Variants in CLYBL observed in about 807,000 individuals in gnomAD.
CLYBL encodes the protein citramalyl-CoA lyase, also known as citramalyl-CoA lyase, mitochondrial.
A neutral mutation model predicts 38.9 loss-of-function variants in CLYBL; 31 were observed. The observed-to-expected ratio is 0.80, with a 90% CI of 0.60 to 1.08. The LOEUF (loss-of-function observed/expected upper bound fraction) is 1.08. Ranked by LOEUF, CLYBL falls within the 50% of genes least tolerant of loss-of-function variation. The pLI, the probability that CLYBL is intolerant of heterozygous loss-of-function variation, is 0.00. For synonymous variants in CLYBL, 171 were observed against 158.6 expected, an observed-to-expected ratio of 1.08 and a Z score of -0.59; for missense variants, 434 against 411.6, an observed-to-expected ratio of 1.05 and a Z score of -0.47.
At chr13:99,740,196 C>A (rs1363627257) in intron 1 of CLYBL, among the ~76,000 whole-genome samples, 3 of 152,190 alleles carry the variant, frequency 2.0e-5, no homozygotes, top group Non-Finnish European at 4.4e-5. Context: ...TCTTCGCCTT[C>A]TCTGGCATTA....
chr13:99,738,928 G>A (rs1219295589), intron 1 of CLYBL, among the ~76,000 whole-genome samples: 3 of 152,140 alleles, frequency 2.0e-5, no homozygotes, highest in African/African-American at 4.8e-5. Flanking sequence ...ACATTGTCAT[G>A]AGGATTCAAA....
intron 2 of CLYBL, among the ~76,000 whole-genome samples, chr13:99,806,059 G>A (rs2050226010): frequency 6.6e-6 from 1 of 152,008 alleles, no homozygotes; most frequent in South Asian, 2.1e-4. Flanking sequence ...TTTATAACAA[G>A]ATTTTATAAT....
At chr13:99,731,688 C>G (rs2048594042) in intron 1 of CLYBL, among the ~76,000 whole-genome samples, 2 of 152,166 alleles carry the variant, frequency 1.3e-5, no homozygotes, top group East Asian at 1.9e-4. Context: ...CAGGATGGCT[C>G]TCACGGACGT....
At chr13:99,717,438 A>G (rs1460306232) in intron 1 of CLYBL, among the ~76,000 whole-genome samples, 79 of 1,414 alleles carry the variant, frequency 0.056, no homozygotes, top group African/African-American at 0.099. Context: ...AAAAATTAGA[A>G]AAAAAAAAAA....
chr13:99,756,011 C>G (rs569175358), intron 1 of CLYBL, among the ~76,000 whole-genome samples: 5 of 152,354 alleles, frequency 3.3e-5, no homozygotes, highest in African/African-American at 1.2e-4. Flanking sequence ...TATAAGACTT[C>G]TTCTCCACTA....
chr13:99,754,608 A>G (rs1718671410), intron 1 of CLYBL, among the ~76,000 whole-genome samples: 1 of 150,686 alleles, frequency 6.6e-6, no homozygotes, highest in African/African-American at 2.4e-5. Context: ...TTTTGGAGAC[A>G]AAGTCGCGTT....
chr13:99,866,673 G>C (rs1399659321), intron 6 of CLYBL, among the ~76,000 whole-genome samples: 1 of 139,588 alleles, frequency 7.2e-6, no homozygotes, highest in Non-Finnish European at 1.5e-5. Context: ...TAATCATTTT[G>C]TTGTAGTCTT....
At chr13:99,808,740 T>C (rs1419498496) in intron 2 of CLYBL, among the ~76,000 whole-genome samples, 3 of 152,258 alleles carry the variant, frequency 2.0e-5, no homozygotes, top group Admixed American at 1.3e-4. Context: ...GACAAAGGCC[T>C]AAGGCAGGTG....
intron 1 of CLYBL, among the ~76,000 whole-genome samples, chr13:99,722,489 A>G (rs1594138787): frequency 6.6e-6 from 1 of 151,802 alleles, no homozygotes. Context: ...GTCCGCATCA[A>G]CTCAGCCTGC....
downstream of CLYBL, chr13:99,894,827 A>G (rs1377481249): frequency 6.8e-6 from 1 of 146,508 alleles, no homozygotes; most frequent in Non-Finnish European, 1.5e-5. Context: ...TGTATAGAGG[A>G]TTATATCAAT....
At position 99,840,750 on chromosome 13, in the gene CLYBL, C is replaced by CAAAAAA. The variant is rs59274056; in HGVS notation, c.250-18086_250-18081dup. Reference sequence around the variant, plus strand: ...GGGTGACAGAGTGAGACCCTTGTCTCAAAAAAAAAAAAAAAAAAAAAAAAA... The same window carrying CAAAAAA: ...GGGTGACAGAGTGAGACCCTTGTCTCAAAAAAAAAAAAAAAAAAAAAAAAAAAAAAA... On this transcript the variant is annotated intron_variant, in intron 2 of 8. Transcript: ENST00000339105. Among the ~76,000 whole-genome samples the CAAAAAA allele has an allele frequency of 1.2e-3, 20 of 16,816 alleles. 3 individuals are homozygous for CAAAAAA. The highest frequency in any genetic ancestry group is 4.4e-3 in the African/African-American group (19 of 4,280). 11.0% of individuals were successfully genotyped at this position (16,816 alleles called of 152,430 possible). A position where few individuals can be genotyped will look rare whatever the true frequency, so the allele number is the denominator to read the frequency against.
chr13:99,845,283 G>C (rs2051173817), intron 2 of CLYBL, among the ~76,000 whole-genome samples: 1 of 152,266 alleles, frequency 6.6e-6, no homozygotes, highest in African/African-American at 2.4e-5. Flanking sequence ...TCTGGCAAGA[G>C]TTTTTGCCAC....
chr13:99,810,184 A>C (rs923045519), intron 2 of CLYBL, among the ~76,000 whole-genome samples: 2 of 152,250 alleles, frequency 1.3e-5, no homozygotes, highest in African/African-American at 4.8e-5. Context: ...GGGGAAAGTA[A>C]GTGTAGCTCC....
intron 2 of CLYBL, among the ~76,000 whole-genome samples, chr13:99,786,852 A>G (rs1234447085): frequency 6.6e-6 from 1 of 151,948 alleles, no homozygotes; most frequent in Admixed American, 6.6e-5. Flanking sequence ...ATTTCTCCAC[A>G]TCCTCTCCAG....
chr13:99,739,926 G>A (rs1594151364), intron 1 of CLYBL, among the ~76,000 whole-genome samples: 4 of 152,088 alleles, frequency 2.6e-5, no homozygotes, highest in Admixed American at 2.0e-4. Flanking sequence ...AGTCAAGATC[G>A]TACCATTGCA....
chr13:99,732,013 G>A (rs2048599834), intron 1 of CLYBL, among the ~76,000 whole-genome samples: 1 of 152,014 alleles, frequency 6.6e-6, no homozygotes. Flanking sequence ...GATGGCTGCA[G>A]CACATTCTGC....
At chr13:99,813,753 T>C (rs1299342774) in intron 2 of CLYBL, among the ~76,000 whole-genome samples, 1 of 152,240 alleles carries the variant, frequency 6.6e-6, no homozygotes, top group Admixed American at 6.5e-5. Flanking sequence ...ACAGTAGTAC[T>C]GTATATATAT....
In CLYBL at chr13:99,606,733, C is replaced by T. The variant is rs759290602; in HGVS notation, c.38C>T (p.Ala13Val). ...LRLLRRAARGAAAAALLRLKA... is the reference protein window; with the variant it reads ...LRLLRRAARGVAAAALLRLKA... The stretch of plus-strand genomic sequence containing the variant: ...CTGCTGCGGAGGGCGGCGCGCGGAG[C>T]TGCGGCGGCGGCGCTGCTGAGGCTG... Residue 13 changes from alanine (A) to valine (V), a missense_variant, in exon 1 of 9, where the codon GCT becomes GTT. Coordinates refer to ENST00000339105, the MANE Select transcript of CLYBL (RefSeq NM_206808.5). The T allele has an allele frequency of 1.9e-4, 280 of 1,487,530 alleles. No individual in the cohort carries two copies. The highest frequency in any genetic ancestry group is 2.4e-4 in the Non-Finnish European group (266 of 1,125,106). 92.1% of individuals were successfully genotyped at this position (1,487,530 alleles called of 1,614,324 possible).
At chr13:99,631,329 T>TTA (rs1424936942) in intron 1 of CLYBL, among the ~76,000 whole-genome samples, 1 of 102,140 alleles carries the variant, frequency 9.8e-6, no homozygotes, top group African/African-American at 4.2e-5. Context: ...CTCCAAATAT[T>TTA]TATGTGTGTG....
Sources: allele counts gnomAD v4.1 joint callset (sites outside exome capture counted in the v4.1 genomes callset), GRCh38; gene constraint gnomAD v4.1.1; transcripts MANE v1.5; gene names NCBI Gene and HGNC (gene_info 2026-07-23, HGNC 2026-07-21).